Variants in RAD51B observed in about 807,000 individuals in gnomAD.
RAD51B encodes DNA repair protein RAD51 homolog 2.
In RAD51B, 38 loss-of-function variants were observed where a neutral mutation model predicts 42.2. That is an observed-to-expected ratio of 0.90 (90% CI 0.70 to 1.18). The LOEUF is 1.18. Ranked by LOEUF, RAD51B falls within the 50% of genes most tolerant of loss-of-function variation. The pLI, the probability that RAD51B is intolerant of heterozygous loss-of-function variation, is 0.00. For missense variants in RAD51B, 373 were observed against 400.7 expected (o/e 0.93, Z 0.59); for synonymous variants, 154 against 145.2 (o/e 1.06, Z -0.43).
At chr14:67,936,318 G>A (rs1039514326) in intron 7 of RAD51B, among the ~76,000 whole-genome samples, 4 of 152,094 alleles carry the variant, frequency 2.6e-5, no homozygotes, top group Non-Finnish European at 4.4e-5. Context: ...TGCCTGTTAT[G>A]GACATTTCAT....
intron 7 of RAD51B, among the ~76,000 whole-genome samples, chr14:67,923,298 C>CTTTTTTTTTTT (rs34809964): frequency 4.9e-5 from 6 of 123,656 alleles, no homozygotes; most frequent in African/African-American, 9.8e-5. Flanking sequence ...TTTTCTTTTT[C>CTTTTTTTTTTT]TTTTTTTTTT....
intron 8 of RAD51B, chr14:68,338,890 C>G: frequency 1.6e-6 from 1 of 643,916 alleles, no homozygotes. Flanking sequence ...GCCAAAGCTC[C>G]TTTGTCTTCC....
chr14:68,580,319 G>C (rs1326605585), intron 10 of RAD51B, among the ~76,000 whole-genome samples: 1 of 150,444 alleles, frequency 6.6e-6, no homozygotes. Context: ...TGATCTCAGA[G>C]CTTAGCACAC....
At chr14:67,889,924 G>A (rs998125301) in intron 7 of RAD51B, among the ~76,000 whole-genome samples, 3 of 152,268 alleles carry the variant, frequency 2.0e-5, no homozygotes, top group East Asian at 3.9e-4. Context: ...TAGAAGTCTG[G>A]TAGAATCTTT....
At chr14:67,925,556 C>T (rs575871411) in intron 7 of RAD51B, among the ~76,000 whole-genome samples, 1 of 152,194 alleles carries the variant, frequency 6.6e-6, no homozygotes, top group Non-Finnish European at 1.5e-5. Context: ...CAGGCATGAG[C>T]TACTGTGCTT....
intron 7 of RAD51B, among the ~76,000 whole-genome samples, chr14:68,240,085 A>G (rs550508588): frequency 5.9e-5 from 9 of 152,216 alleles, no homozygotes; most frequent in Non-Finnish European, 1.0e-4. Context: ...GCCTCACTCT[A>G]TCAGCAGCTG....
intron 7 of RAD51B, among the ~76,000 whole-genome samples, chr14:68,042,454 C>CA: frequency 6.6e-6 from 1 of 152,156 alleles, no homozygotes; most frequent in Non-Finnish European, 1.5e-5. Flanking sequence ...TGTTTCCTAC[C>CA]ATGGTAATTT....
intron 8 of RAD51B, among the ~76,000 whole-genome samples, chr14:68,377,035 G>C (rs538421882): frequency 7.2e-5 from 11 of 152,328 alleles, no homozygotes; most frequent in African/African-American, 2.4e-4. Flanking sequence ...GTCTGAAATG[G>C]AAGGGTTTAC....
At chr14:68,438,003 A>T (rs898212807) in intron 9 of RAD51B, among the ~76,000 whole-genome samples, 1 of 152,172 alleles carries the variant, frequency 6.6e-6, no homozygotes, top group African/African-American at 2.4e-5. Context: ...GGGGAGCACT[A>T]AATGTGTCTG....
At chr14:68,094,966 A>G (rs189063702) in intron 7 of RAD51B, among the ~76,000 whole-genome samples, 1 of 152,302 alleles carries the variant, frequency 6.6e-6, no homozygotes, top group East Asian at 1.9e-4. Flanking sequence ...GTAAGAAGGA[A>G]AGCAGATGTT....
intron 10 of RAD51B, among the ~76,000 whole-genome samples, chr14:68,532,476 G>T (rs1887372138): frequency 6.6e-6 from 1 of 152,146 alleles, no homozygotes; most frequent in African/African-American, 2.4e-5. Flanking sequence ...CTTAATACTA[G>T]TAGAGGAAGT....
At chr14:67,859,511 A>G (rs1272665269) in intron 4 of RAD51B, among the ~76,000 whole-genome samples, 4 of 152,246 alleles carry the variant, frequency 2.6e-5, no homozygotes, top group East Asian at 1.9e-4. Flanking sequence ...TATTGTTAAC[A>G]AAGAAACACT....
At chr14:68,093,433 G>T (rs1419369207) in intron 7 of RAD51B, among the ~76,000 whole-genome samples, 1 of 152,140 alleles carries the variant, frequency 6.6e-6, no homozygotes, top group African/African-American at 2.4e-5. Context: ...TTTTGGGAGG[G>T]TGTATGTGTC....
intron 7 of RAD51B, among the ~76,000 whole-genome samples, chr14:67,941,047 G>A (rs2045188458): frequency 6.6e-6 from 1 of 152,142 alleles, no homozygotes; most frequent in Non-Finnish European, 1.5e-5. Context: ...TTTGGAATGA[G>A]CTCTTAGTTT....
At chr14:68,021,293 A>G (rs969311241) in intron 7 of RAD51B, among the ~76,000 whole-genome samples, 2 of 152,238 alleles carry the variant, frequency 1.3e-5, no homozygotes, top group Non-Finnish European at 2.9e-5. Flanking sequence ...ATGCCTTCAC[A>G]CGAGGATCAG....
intron 10 of RAD51B, among the ~76,000 whole-genome samples, chr14:68,492,706 A>G (rs560490595): frequency 6.6e-6 from 1 of 152,342 alleles, no homozygotes; most frequent in South Asian, 2.1e-4. Flanking sequence ...TTTGTTGAGC[A>G]GCTACCAAAT....
At chr14:68,537,316 G>A (rs756165184) in intron 10 of RAD51B, among the ~76,000 whole-genome samples, 3 of 151,904 alleles carry the variant, frequency 2.0e-5, no homozygotes, top group Non-Finnish European at 4.4e-5. Flanking sequence ...GGCTAACACG[G>A]TGAAACCCCG....
At chr14:68,558,928 G>A (rs56239917) in intron 10 of RAD51B, among the ~76,000 whole-genome samples, 6,467 of 152,006 alleles carry the variant, frequency 0.043, 169 homozygotes, top group African/African-American at 0.066. Flanking sequence ...GGGTGACTCC[G>A]TATCTGTGTG....
At chr14:67,952,228 A>G (rs1197870768) in intron 7 of RAD51B, among the ~76,000 whole-genome samples, 1 of 152,092 alleles carries the variant, frequency 6.6e-6, no homozygotes, top group African/African-American at 2.4e-5. Flanking sequence ...AAAAAAAAAG[A>G]TAACTGGAAG....
Sources: gnomAD v4.1 joint callset for allele counts (sites outside exome capture counted in the v4.1 genomes callset) on GRCh38, gnomAD v4.1.1 for gene constraint, MANE v1.5 for transcripts, NCBI Gene and HGNC (gene_info 2026-07-23, HGNC 2026-07-21) for gene names.